The following NAALADL2 variants were observed in gnomAD, a reference collection of about 807,000 sequenced individuals.
NAALADL2 encodes the protein inactive N-acetylated-alpha-linked acidic dipeptidase-like protein 2.
In NAALADL2, 76 loss-of-function variants were observed where a neutral mutation model predicts 87.2. That is an observed-to-expected ratio of 0.87 (90% CI 0.72 to 1.05). The LOEUF (loss-of-function observed/expected upper bound fraction) is 1.05. Among genes scored for constraint, NAALADL2 ranks in the 50% least tolerant of loss-of-function variants. The pLI is 0.00. For synonymous variants in NAALADL2, 354 were observed against 331.0 expected, an observed-to-expected ratio of 1.07 and a Z score of -0.75; for missense variants, 1,089 against 945.8, an observed-to-expected ratio of 1.15 and a Z score of -1.99.
chr3:174,470,838 T>A (rs1400414780), intron 1 of NAALADL2, among the ~76,000 whole-genome samples: 2 of 152,208 alleles, frequency 1.3e-5, no homozygotes, highest in Non-Finnish European at 2.9e-5. Context: ...GCATTTTAAA[T>A]GAAAAGTATT....
At chr3:174,658,926 A>G (rs964888647) in intron 2 of NAALADL2, among the ~76,000 whole-genome samples, 9 of 152,128 alleles carry the variant, frequency 5.9e-5, no homozygotes, top group Non-Finnish European at 1.3e-4. Context: ...AGACTCCACT[A>G]TTATCTCTCA....
intron 1 of NAALADL2, among the ~76,000 whole-genome samples, chr3:174,460,027 C>T (rs1716108001): frequency 6.6e-6 from 1 of 152,098 alleles, no homozygotes; most frequent in South Asian, 2.1e-4. Context: ...ACAGTCTTCT[C>T]TTCTTCAATA....
intron 3 of NAALADL2, among the ~76,000 whole-genome samples, chr3:174,807,890 A>AGAGT (rs1719693733): frequency 7.1e-6 from 1 of 141,524 alleles, no homozygotes. Context: ...TGTGTGTGTG[A>AGAGT]GAGAGAGAGA....
intron 2 of NAALADL2, among the ~76,000 whole-genome samples, chr3:175,229,677 C>G (rs1333071473): frequency 6.6e-6 from 1 of 151,898 alleles, no homozygotes; most frequent in Non-Finnish European, 1.5e-5. Context: ...ACACTTAATA[C>G]TATCACCTTG....
intron 11 of NAALADL2, among the ~76,000 whole-genome samples, chr3:175,639,318 CTTTT>C (rs756214274): frequency 3.7e-5 from 4 of 108,760 alleles, no homozygotes; most frequent in African/African-American, 8.3e-5. Context: ...AAGCGTTATT[CTTTT>C]TTTTTTTTTT....
chr3:175,781,707 ATTTTT>A (rs886962164), intron 13 of NAALADL2, among the ~76,000 whole-genome samples: 2 of 149,222 alleles, frequency 1.3e-5, no homozygotes, highest in East Asian at 2.0e-4. Context: ...TAACGCTTTT[ATTTTT>A]TTTATTTTTT....
intron 6 of NAALADL2, among the ~76,000 whole-genome samples, chr3:175,458,474 C>T (rs1722648390): frequency 1.1e-5 from 1 of 94,052 alleles, no homozygotes. Context: ...GATATGTTCT[C>T]ATGGTTTTAT....
At chr3:174,882,540 C>G (rs962333956) in intron 1 of NAALADL2, among the ~76,000 whole-genome samples, 1 of 143,552 alleles carries the variant, frequency 7.0e-6, no homozygotes, top group African/African-American at 2.8e-5. Flanking sequence ...TATATGCATA[C>G]ACACATATGT....
intron 2 of NAALADL2, among the ~76,000 whole-genome samples, chr3:174,621,803 T>C (rs144985149): frequency 2.5e-4 from 38 of 152,284 alleles, no homozygotes; most frequent in East Asian, 1.3e-3. Context: ...TGGGTCACGT[T>C]TGACTGTTGG....
At chr3:175,534,035 A>ATAATAAATAAATTATTTAT (rs1734452883) in intron 9 of NAALADL2, among the ~76,000 whole-genome samples, 1 of 150,174 alleles carries the variant, frequency 6.7e-6, no homozygotes, top group African/African-American at 2.4e-5. Context: ...TTATTTATTT[A>ATAATAAATAAATTATTTAT]TTATAAATAA....
intron 2 of NAALADL2, among the ~76,000 whole-genome samples, chr3:175,144,667 G>A (rs1411006744): frequency 3.3e-5 from 5 of 151,724 alleles, no homozygotes; most frequent in Admixed American, 2.0e-4. Flanking sequence ...ACTTATCTCC[G>A]TCACTTTTTT....
chr3:175,732,661 G>A (rs1183359292), intron 11 of NAALADL2, among the ~76,000 whole-genome samples: 4 of 152,014 alleles, frequency 2.6e-5, no homozygotes, highest in African/African-American at 7.3e-5. Flanking sequence ...GGGAGGGTGC[G>A]GGGTAAGCAA....
At chr3:175,696,497 T>C (rs1737811919) in intron 11 of NAALADL2, among the ~76,000 whole-genome samples, 1 of 152,070 alleles carries the variant, frequency 6.6e-6, no homozygotes, top group African/African-American at 2.4e-5. Context: ...AGAGGAAATA[T>C]TAAGTGATCA....
chr3:175,753,954 A>G (rs1162152076), intron 12 of NAALADL2, among the ~76,000 whole-genome samples: 1 of 152,150 alleles, frequency 6.6e-6, no homozygotes, highest in Non-Finnish European at 1.5e-5. Flanking sequence ...CTCTGTAGTG[A>G]TATGCCAGCC....
At chr3:174,616,129 A>T (rs1270508109) in intron 2 of NAALADL2, among the ~76,000 whole-genome samples, 1 of 151,970 alleles carries the variant, frequency 6.6e-6, no homozygotes. Flanking sequence ...GAGTATTTTT[A>T]GAGTGGTCAC....
Position 174,897,323 on chromosome 3 carries a change from AAAAAT to A in NAALADL2, c.43+37881_43+37885del, listed in dbSNP as rs557905871. On this transcript the variant is annotated intron_variant, in intron 1 of 13. Coordinates refer to ENST00000454872, the MANE Select transcript of NAALADL2 (RefSeq NM_207015.3). ...AGGAGCTCAAACAACTCTATAGGAA[AAAAAT>A]AAAATAATCTTATCAAAAAGTGGGC... Among the ~76,000 whole-genome samples the A allele has an allele frequency of 2.2e-3, 341 of 152,290 alleles. 1 individual carries two copies. Among genetic ancestry groups the A allele is most frequent in the African/African-American group, 7.8e-3 (326 of 41,572 alleles).
intron 3 of NAALADL2, among the ~76,000 whole-genome samples, chr3:174,836,749 A>G (rs913135363): frequency 2.6e-5 from 4 of 151,330 alleles, no homozygotes; most frequent in Admixed American, 2.0e-4. Context: ...AAGAGGGTAA[A>G]TTTTATGTTA....
At chr3:175,754,595 A>T (rs746108377) in intron 12 of NAALADL2, among the ~76,000 whole-genome samples, 3 of 152,228 alleles carry the variant, frequency 2.0e-5, no homozygotes, top group Non-Finnish European at 4.4e-5. Flanking sequence ...CAGTAGTCAC[A>T]TGACAACATA....
intron 11 of NAALADL2, among the ~76,000 whole-genome samples, chr3:175,669,008 G>A (rs540687263): frequency 1.3e-5 from 2 of 152,122 alleles, no homozygotes; most frequent in East Asian, 1.9e-4. Context: ...GGAGAAGAGA[G>A]GCTTAAAAGT....
Sources: allele counts gnomAD v4.1 joint callset (sites outside exome capture counted in the v4.1 genomes callset), GRCh38; gene constraint gnomAD v4.1.1; transcripts MANE v1.5; gene names NCBI Gene and HGNC (gene_info 2026-07-23, HGNC 2026-07-21).